The following SENP6 variants were observed in gnomAD, a reference collection of about 807,000 sequenced individuals.
The protein encoded by SENP6 is SUMO specific peptidase 6, also known as sentrin-specific protease 6.
Under a neutral mutation model 134.5 loss-of-function variants are expected in SENP6, and 41 were observed. The ratio of observed to expected loss-of-function variants is 0.30; its 90% CI spans 0.24 to 0.40. The LOEUF is 0.40. Among genes scored for constraint, SENP6 ranks in the 10% least tolerant of loss-of-function variants. The pLI is 1.00. For synonymous variants in SENP6, 395 were observed against 429.8 expected (o/e 0.92, Z 1.00); for missense variants, 1,248 against 1,312.5 (o/e 0.95, Z 0.76).
chr6:75,605,407 CCAT>C (rs1766957445), intron 1 of SENP6, among the ~76,000 whole-genome samples: 1 of 152,018 alleles, frequency 6.6e-6, no homozygotes, highest in African/African-American at 2.4e-5. Context: ...TTTTTTTTCA[CCAT>C]CATATTTCTT....
intron 5 of SENP6, among the ~76,000 whole-genome samples, chr6:75,636,707 A>G (rs904552666): frequency 6.6e-6 from 1 of 152,188 alleles, no homozygotes; most frequent in Non-Finnish European, 1.5e-5. Context: ...TTTACCAGGT[A>G]GAAGAAGAAA....
intron 3 of SENP6, among the ~76,000 whole-genome samples, chr6:75,631,524 C>T (rs1309349941): frequency 2.6e-5 from 4 of 152,152 alleles, no homozygotes; most frequent in Non-Finnish European, 5.9e-5. Context: ...CTGTTAGCTA[C>T]AGTGGTTTTT....
chr6:75,716,530 T>C lies in SENP6; in HGVS notation c.*936T>C, dbSNP rs1460223781. On this transcript the variant is annotated 3_prime_UTR_variant, in exon 24 of 24. Coordinates refer to ENST00000447266, the MANE Select transcript of SENP6 (RefSeq NM_015571.4). Reference sequence around the variant, plus strand: ...TTATTTTGATAAAGTATCAGACTTTTTGCTTGAGTTCTTCAGTGTAAATTA... The same window carrying C: ...TTATTTTGATAAAGTATCAGACTTTCTGCTTGAGTTCTTCAGTGTAAATTA... The C allele has an allele frequency of 2.6e-5, 4 of 152,044 alleles. No homozygotes were observed. Among genetic ancestry groups the C allele is most frequent in the African/African-American group, 9.6e-5 (4 of 41,466 alleles). 9.4% of individuals were successfully genotyped at this position (152,044 alleles called of 1,614,324 possible). A position where few individuals can be genotyped will look rare whatever the true frequency, so the allele number is the denominator to read the frequency against.
At chr6:75,675,725 C>A in intron 12 of SENP6, 135 bp from the exon 13 acceptor site, 2 of 915,172 alleles carry the variant, frequency 2.2e-6, no homozygotes, top group Non-Finnish European at 3.3e-6. Context: ...TTTTATTACC[C>A]ACAAGAGTAA....
intron 2 of SENP6, among the ~76,000 whole-genome samples, chr6:75,622,260 C>G (rs1768330240): frequency 6.6e-6 from 1 of 152,098 alleles, no homozygotes; most frequent in Non-Finnish European, 1.5e-5. Flanking sequence ...TTTTAAAGTT[C>G]AACATCTAGT....
In SENP6 at chr6:75,715,587, C is replaced by A; in HGVS notation, c.3332C>A (p.Ser1111Ter). 1.9e-6 allele frequency: 3 copies of A among 1,601,250 alleles called. No homozygotes were observed. Among genetic ancestry groups the A allele is most frequent in the Non-Finnish European group, 2.6e-6 (3 of 1,172,022 alleles). Reference protein sequence around the residue: ...EGTEQYVNSISD With the variant: ...EGTEQYVNSI ...ACAGAACAATATGTCAATAGTATCT[C>A]AGATTGACCATTTCTGTTACTTGTC... Residue 1111 changes from serine to a stop codon, truncating the protein, a stop_gained, in exon 24 of 24, where the codon TCA becomes TAA. Coordinates refer to ENST00000447266, the MANE Select transcript of SENP6 (RefSeq NM_015571.4). LOFTEE classifies it high-confidence loss of function.
chr6:75,621,575 T>G lies in SENP6; in HGVS notation c.96T>G (p.Asn32Lys). The change falls in exon 2 of 24, where the codon AAT (asparagine) becomes AAG (lysine). Residue 32 changes from asparagine (N) to lysine (K), a missense_variant. Physicochemically the swap from Asn to Lys is moderately conservative, Grantham distance 94. Transcript: ENST00000447266. Reference sequence around the variant, plus strand: ...CTAAGAGAGATGGAGGTTTTAAAAATAATTGGAGCTTTGATCATGAAGAAG... The same window carrying G: ...CTAAGAGAGATGGAGGTTTTAAAAAGAATTGGAGCTTTGATCATGAAGAAG... ...SESKRDGGFK[N>K]NWSFDHEEES... 6.2e-7 allele frequency: 1 copy of G among 1,612,260 alleles called. No individual in the cohort carries two copies. Among genetic ancestry groups the G allele is most frequent in the Non-Finnish European group, 8.5e-7 (1 of 1,178,804 alleles).
intron 3 of SENP6, among the ~76,000 whole-genome samples, chr6:75,625,274 G>A (rs1195685271): frequency 6.6e-6 from 1 of 151,682 alleles, no homozygotes; most frequent in East Asian, 1.9e-4. Context: ...ACCATGCCTG[G>A]CTAATTTTTT....
intron 8 of SENP6, 55 bp downstream of exon 8, chr6:75,659,462 A>C (rs1771610209): frequency 6.9e-7 from 1 of 1,457,606 alleles, no homozygotes; most frequent in African/African-American, 1.4e-5. Context: ...GATTAATATT[A>C]GTTTCAGTAC....
chr6:75,711,711 C>T (rs1042926203), intron 21 of SENP6, among the ~76,000 whole-genome samples: 2 of 152,152 alleles, frequency 1.3e-5, no homozygotes, highest in African/African-American at 2.4e-5. Flanking sequence ...CTTGCTCTGT[C>T]GCCCAGGCTG....
At chr6:75,674,108 C>G (rs72886879) in intron 11 of SENP6, among the ~76,000 whole-genome samples, 42,748 of 148,846 alleles carry the variant, frequency 0.29, 6,688 homozygotes, top group Middle Eastern at 0.38. Flanking sequence ...CATATAATGT[C>G]AACATCCACG....
chr6:75,703,036 C>A lies in SENP6; in HGVS notation c.2680C>A (p.Leu894Ile). The change falls in exon 19 of 24, where the codon CTA becomes ATA. Residue 894 changes from leucine (L) to isoleucine (I), a missense_variant. Coordinates refer to ENST00000447266, the MANE Select transcript of SENP6 (RefSeq NM_015571.4). ...VADRTKSENGLQNESLSSTHH... is the reference protein window; with the variant it reads ...VADRTKSENGIQNESLSSTHH... ...TGATAGGACTAAAAGTGAGAATGGCCTACAGAATGAAAGTTTAAGTTCCAC... is the reference window on the plus strand; with the variant it reads ...TGATAGGACTAAAAGTGAGAATGGCATACAGAATGAAAGTTTAAGTTCCAC... 6.2e-7 allele frequency: 1 copy of A among 1,610,852 alleles called. No individual in the cohort carries two copies. Among genetic ancestry groups the A allele is most frequent in the Non-Finnish European group, 8.5e-7 (1 of 1,179,004 alleles).
At chr6:75,638,612 A>G (rs1440187948) in intron 5 of SENP6, among the ~76,000 whole-genome samples, 1 of 38,564 alleles carries the variant, frequency 2.6e-5, no homozygotes, top group African/African-American at 1.1e-4. Context: ...ATATATATAT[A>G]TATATATATA....
intron 10 of SENP6, among the ~76,000 whole-genome samples, chr6:75,669,359 AAAT>A (rs1165342643): frequency 2.0e-5 from 3 of 152,362 alleles, no homozygotes; most frequent in Middle Eastern, 3.4e-3. Context: ...CCATCTCAAA[AAAT>A]AATAATAATG....
At chr6:75,672,253 A>T (rs751590234) in intron 11 of SENP6, among the ~76,000 whole-genome samples, 15 of 152,202 alleles carry the variant, frequency 9.9e-5, no homozygotes, top group Non-Finnish European at 2.2e-4. Context: ...ATAACTCTTC[A>T]GTGTGATGAG....
chr6:75,680,557 GA>G (rs1224004670), intron 16 of SENP6, among the ~76,000 whole-genome samples: 1 of 152,212 alleles, frequency 6.6e-6, no homozygotes, highest in Non-Finnish European at 1.5e-5. Context: ...GAAGAAGTAA[GA>G]AGAGAAATTG....
At chr6:75,672,065 G>C (rs936242820) in intron 11 of SENP6, among the ~76,000 whole-genome samples, 1 of 152,122 alleles carries the variant, frequency 6.6e-6, no homozygotes, top group Non-Finnish European at 1.5e-5. Context: ...TGTAACATAT[G>C]TCAGTGTTTT....
intron 1 of SENP6, among the ~76,000 whole-genome samples, chr6:75,604,598 C>A (rs1481769809): frequency 6.7e-6 from 1 of 150,080 alleles, no homozygotes; most frequent in Non-Finnish European, 1.5e-5. Flanking sequence ...GCACTCCAGC[C>A]AGGGCAACTG....
At chr6:75,661,312 GC>G (rs1459483998) in intron 8 of SENP6, among the ~76,000 whole-genome samples, 1 of 152,110 alleles carries the variant, frequency 6.6e-6, no homozygotes, top group African/African-American at 2.4e-5. Context: ...ATAATGTCCT[GC>G]CATGCCAACC....
Sources: gnomAD v4.1 joint callset for allele counts (sites outside exome capture counted in the v4.1 genomes callset) on GRCh38, gnomAD v4.1.1 for gene constraint, MANE v1.5 for transcripts, NCBI Gene and HGNC (gene_info 2026-07-23, HGNC 2026-07-21) for gene names.